FAM168A: variants seen among roughly 807,000 people sequenced by gnomAD.
FAM168A encodes the protein protein FAM168A.
A neutral mutation model predicts 28.5 loss-of-function variants in FAM168A; 3 were observed. The observed-to-expected ratio is 0.11, with a 90% CI of 0.05 to 0.27. The LOEUF (loss-of-function observed/expected upper bound fraction) is 0.27, where lower values mean the gene tolerates loss of function less well. Among genes scored for constraint, FAM168A ranks in the 10% least tolerant of loss-of-function variants. The probability of loss-of-function intolerance (pLI) is 1.00; values close to 1 mark genes in which losing one functional copy is unlikely to be tolerated. For synonymous variants in FAM168A, 122 were observed against 124.2 expected, an observed-to-expected ratio of 0.98 and a Z score of 0.12; for missense variants, 222 against 311.5, an observed-to-expected ratio of 0.71 and a Z score of 2.16.
At chr11:73,526,868 C>CAAAAAA (rs61073226) in intron 1 of FAM168A, among the ~76,000 whole-genome samples, 5 of 51,890 alleles carry the variant, frequency 9.6e-5, no homozygotes, top group East Asian at 8.6e-4. Flanking sequence ...GACTCCATCT[C>CAAAAAA]AAAAAAAAAA....
Position 73,490,944 on chromosome 11 carries a change from A to G in FAM168A, c.-18-22452T>C, listed in dbSNP as rs147360132. 1.0e-3 allele frequency among the ~76,000 whole-genome samples: 159 copies of G among 151,880 alleles called. 1 individual carries two copies. Among genetic ancestry groups the G allele is most frequent in the African/African-American group, 3.7e-3 (153 of 41,402 alleles). On this transcript the variant is annotated intron_variant, in intron 1 of 7. Coordinates refer to ENST00000356467, the MANE Select transcript of FAM168A (RefSeq NM_015159.3). Reference sequence around the variant, plus strand: ...TAGAACAGCATCCAGAATATTGATCACTCTTCTCCACACTTTTGAGGGAAT... The same window carrying G: ...TAGAACAGCATCCAGAATATTGATCGCTCTTCTCCACACTTTTGAGGGAAT...
intron 1 of FAM168A, among the ~76,000 whole-genome samples, chr11:73,592,387 A>G (rs1243260717): frequency 6.6e-6 from 1 of 152,258 alleles, no homozygotes; most frequent in African/African-American, 2.4e-5. Flanking sequence ...ATTGTTTTCA[A>G]TACTAAAGAT....
chr11:73,550,721 A>C (rs570794792), intron 1 of FAM168A, among the ~76,000 whole-genome samples: 1 of 152,258 alleles, frequency 6.6e-6, no homozygotes, highest in East Asian at 1.9e-4. Flanking sequence ...GGGTGTCCCA[A>C]ATAGAGATAA....
chr11:73,521,045 T>A (rs1471125686), intron 1 of FAM168A, among the ~76,000 whole-genome samples: 1 of 152,156 alleles, frequency 6.6e-6, no homozygotes, highest in Non-Finnish European at 1.5e-5. Context: ...AGGTTCCAAG[T>A]GATAAATGAG....
intron 1 of FAM168A, among the ~76,000 whole-genome samples, chr11:73,532,701 T>C (rs1208252330): frequency 6.6e-6 from 1 of 152,250 alleles, no homozygotes; most frequent in Non-Finnish European, 1.5e-5. Flanking sequence ...GGTTGTTTAC[T>C]ACAGTTCAAA....
At chr11:73,491,814 C>T (rs1466953560) in intron 1 of FAM168A, among the ~76,000 whole-genome samples, 1 of 152,172 alleles carries the variant, frequency 6.6e-6, no homozygotes, top group Non-Finnish European at 1.5e-5. Flanking sequence ...ATTCATAATC[C>T]CCAATTCTTT....
chr11:73,460,499 C>CTTTTTT (rs547956382), intron 2 of FAM168A, among the ~76,000 whole-genome samples: 6 of 112,818 alleles, frequency 5.3e-5, no homozygotes, highest in East Asian at 2.4e-4. Flanking sequence ...GCTACTAATG[C>CTTTTTT]TTTTTTTTTT....
chr11:73,553,130 TAAAC>T (rs1943848250), intron 1 of FAM168A, among the ~76,000 whole-genome samples: 1 of 152,156 alleles, frequency 6.6e-6, no homozygotes, highest in African/African-American at 2.4e-5. Flanking sequence ...TTACAGATAA[TAAAC>T]AGAGTCCCAG....
chr11:73,578,609 T>C (rs186244853), intron 1 of FAM168A, among the ~76,000 whole-genome samples: 1 of 152,300 alleles, frequency 6.6e-6, no homozygotes, highest in Admixed American at 6.5e-5. Flanking sequence ...CCTAACCAAT[T>C]TAGTTTCAAG....
At chr11:73,577,690 G>C (rs559010127) in intron 1 of FAM168A, among the ~76,000 whole-genome samples, 1 of 152,254 alleles carries the variant, frequency 6.6e-6, no homozygotes, top group African/African-American at 2.4e-5. Flanking sequence ...ATTTGCCCAA[G>C]GCAGAATAGG....
intron 1 of FAM168A, among the ~76,000 whole-genome samples, chr11:73,570,359 A>G (rs1173914117): frequency 6.6e-6 from 1 of 152,210 alleles, no homozygotes; most frequent in Non-Finnish European, 1.5e-5. Flanking sequence ...TTCTTAGCTC[A>G]GTCCTAAATA....
chr11:73,409,059 T>C (rs1866559590), intron 6 of FAM168A, among the ~76,000 whole-genome samples: 1 of 152,010 alleles, frequency 6.6e-6, no homozygotes. Context: ...CCTAACCACA[T>C]CCCTGCCCTG....
intron 1 of FAM168A, among the ~76,000 whole-genome samples, chr11:73,568,978 T>C (rs563094308): frequency 3.9e-4 from 60 of 152,212 alleles, no homozygotes; most frequent in African/African-American, 1.3e-3. Context: ...GACAAGGCAA[T>C]CAAAAAGAAT....
At chr11:73,470,178 G>T (rs543934710) in intron 1 of FAM168A, among the ~76,000 whole-genome samples, 1 of 152,302 alleles carries the variant, frequency 6.6e-6, no homozygotes, top group African/African-American at 2.4e-5. Context: ...CCAAAGTGCT[G>T]GGATTACAGT....
chr11:73,518,024 A>G (rs78953171), intron 1 of FAM168A, among the ~76,000 whole-genome samples: 499 of 152,360 alleles, frequency 3.3e-3, no homozygotes, highest in Middle Eastern at 0.01. Context: ...CCAGGTCTTG[A>G]CACATACTAG....
At chr11:73,411,265 A>C in intron 5 of FAM168A, 129 bp downstream of exon 5, 1 of 1,057,396 alleles carries the variant, frequency 9.5e-7, no homozygotes, top group South Asian at 1.6e-5. Flanking sequence ...TCAGTGATAC[A>C]ACAAGGACGG....
At chr11:73,446,962 C>A (rs769797598) in intron 2 of FAM168A, among the ~76,000 whole-genome samples, 9 of 152,184 alleles carry the variant, frequency 5.9e-5, no homozygotes, top group Non-Finnish European at 1.3e-4. Flanking sequence ...TAAAGACCAG[C>A]CAAGTCCAGC....
At chr11:73,571,243 C>CCCCCCCCCCCCCCT (rs1410610985) in intron 1 of FAM168A, among the ~76,000 whole-genome samples, 1 of 112,630 alleles carries the variant, frequency 8.9e-6, no homozygotes. Flanking sequence ...CTCCCCCCCC[C>CCCCCCCCCCCCCCT]CTCCCCACAG....
At chr11:73,512,755 T>C (rs1855249806) in intron 1 of FAM168A, among the ~76,000 whole-genome samples, 1 of 152,138 alleles carries the variant, frequency 6.6e-6, no homozygotes, top group Non-Finnish European at 1.5e-5. Context: ...CTAGTTATTA[T>C]TATTTACATA....
Sources: allele counts gnomAD v4.1 joint callset (sites outside exome capture counted in the v4.1 genomes callset), GRCh38; gene constraint gnomAD v4.1.1; transcripts MANE v1.5; gene names NCBI Gene and HGNC (gene_info 2026-07-23, HGNC 2026-07-21).